Variants in CAMSAP1 observed in about 807,000 individuals in gnomAD.
CAMSAP1 encodes calmodulin regulated spectrin associated protein 1.
CAMSAP1 carries 58 observed loss-of-function variants against 143.5 expected under a neutral mutation model. That is an observed-to-expected ratio of 0.40 (90% CI 0.33 to 0.50). The LOEUF is 0.50. Ranked by LOEUF, CAMSAP1 falls within the 20% of genes least tolerant of loss-of-function variation. The pLI, the probability that CAMSAP1 is intolerant of heterozygous loss-of-function variation, is 0.45. For missense variants in CAMSAP1, 1,969 were observed against 2,115.7 expected (o/e 0.93, Z 1.36); for synonymous variants, 945 against 859.3 (o/e 1.10, Z -1.74).
At chr9:135,892,154 CAGGAAGCCT>C (rs375220144) in intron 1 of CAMSAP1, among the ~76,000 whole-genome samples, 2 of 152,118 alleles carry the variant, frequency 1.3e-5, no homozygotes, top group Admixed American at 6.6e-5. Context: ...TTTACAGGCT[CAGGAAGCCT>C]AGAAAACCCC....
At position 135,828,221 on chromosome 9, in the gene CAMSAP1, C is replaced by T. The variant is rs562838054; in HGVS notation, c.1046-637G>A. Among the ~76,000 whole-genome samples the T allele has an allele frequency of 9.8e-5, 15 of 152,380 alleles. No homozygotes were observed. In the South Asian group the frequency reaches 3.1e-3, roughly 32 times the overall value. On this transcript the variant is annotated intron_variant, in intron 7 of 16. Transcript: ENST00000389532. ...CCAAACAGTGACTCTGTATCTAAGG[C>T]TGCTTCCCAGAGAACTAACCTATGG...
Position 135,841,146 on chromosome 9 carries a change from G to T in CAMSAP1, c.1045+8991C>A, listed in dbSNP as rs555378010. ...CAGTAGTCTGAAGTCGACCTGGGGT[G>T]CTCGAGCTTGGTGGGAGGAGGGACG... On this transcript the variant is annotated intron_variant, in intron 7 of 16. Transcript: ENST00000389532. 3.3e-5 allele frequency among the ~76,000 whole-genome samples: 5 copies of T among 152,298 alleles called. No homozygotes were observed. The South Asian group carries it at 1.0e-3, about 32-fold the overall frequency.
At position 135,822,514 on chromosome 9, in the gene CAMSAP1, T is replaced by C. The variant is rs778219294; in HGVS notation, c.2147A>G (p.Tyr716Cys). Residue 716 changes from tyrosine to cysteine, a missense_variant, in exon 11 of 17, where the codon TAT becomes TGT. By Grantham distance (194) the Tyr-to-Cys change is radical. Transcript: ENST00000389532. The surrounding 1 kb of genome is among the most constrained non-coding windows in gnomAD (Gnocchi z 6.1). The part of the protein sequence containing the change: ...RADEDTEGRL[Y>C]VSCSKSPNSH... The stretch of plus-strand genomic sequence containing the variant: ...GTTGGGGCTTTTTGAACAACTAACA[T>C]ATAACCTTCCCTCGGTGTCTTCATC... 4 of 1,613,884 alleles carry C rather than the reference T, an allele frequency of 2.5e-6. No individual in the cohort carries two copies. Among genetic ancestry groups the C allele is most frequent in the East Asian group, 2.2e-5 (1 of 44,872 alleles).
intron 5 of CAMSAP1, among the ~76,000 whole-genome samples, chr9:135,861,879 T>A (rs1025113229): frequency 2.6e-5 from 4 of 152,154 alleles, no homozygotes; most frequent in African/African-American, 9.6e-5. Flanking sequence ...TGACAGTCAC[T>A]CTCTCTCTCT....
chr9:135,864,766 G>C (rs985521387), intron 4 of CAMSAP1, among the ~76,000 whole-genome samples: 7 of 152,178 alleles, frequency 4.6e-5, no homozygotes, highest in African/African-American at 1.7e-4. Flanking sequence ...ACCCTTGCCT[G>C]GGAATAAGGA....
At chr9:135,870,934 C>T (rs1837550952) in intron 3 of CAMSAP1, among the ~76,000 whole-genome samples, 1 of 152,180 alleles carries the variant, frequency 6.6e-6, no homozygotes, top group Non-Finnish European at 1.5e-5. Flanking sequence ...CATAATTAAT[C>T]TTTGAGAAAC....
At chr9:135,849,790 C>G (rs1213488065) in intron 7 of CAMSAP1, 1 of 172,888 alleles carries the variant, frequency 5.8e-6, no homozygotes, top group East Asian at 1.5e-4. Flanking sequence ...AGATATTCCT[C>G]TATATTATCT....
chr9:135,817,711 A>C (rs1250002186), intron 14 of CAMSAP1: 2 of 405,240 alleles, frequency 4.9e-6, no homozygotes, highest in Non-Finnish European at 9.1e-6. Flanking sequence ...CAACGGACTC[A>C]AAACGATGAA....
intron 3 of CAMSAP1, among the ~76,000 whole-genome samples, chr9:135,873,371 G>GA (rs907669290): frequency 6.6e-6 from 1 of 151,700 alleles, no homozygotes; most frequent in Non-Finnish European, 1.5e-5. Context: ...CCTTCAAAAT[G>GA]AAAAAAGACT....
intron 1 of CAMSAP1, among the ~76,000 whole-genome samples, chr9:135,900,900 G>C (rs1025428481): frequency 5.3e-5 from 8 of 151,784 alleles, no homozygotes; most frequent in Non-Finnish European, 1.2e-4. Flanking sequence ...GATTACAGGC[G>C]CATGCCACCA....
chr9:135,839,814 T>A (rs1836272126), intron 7 of CAMSAP1, among the ~76,000 whole-genome samples: 1 of 151,198 alleles, frequency 6.6e-6, no homozygotes, highest in East Asian at 2.0e-4. Flanking sequence ...ACCGAGCCCC[T>A]CTCTACAGCC....
At chr9:135,878,074 A>C (rs895352805) in intron 3 of CAMSAP1, among the ~76,000 whole-genome samples, 9 of 152,220 alleles carry the variant, frequency 5.9e-5, no homozygotes, top group African/African-American at 2.2e-4. Flanking sequence ...TCACCAGGGA[A>C]AGGTGGAGGA....
rs1835469237 is a variant in CAMSAP1, at chr9:135,821,708, G to A, written c.2953C>T (p.His985Tyr). The A allele has an allele frequency of 6.2e-7, 1 of 1,614,018 alleles. No individual in the cohort carries two copies. Among genetic ancestry groups the A allele is most frequent in the Non-Finnish European group, 8.5e-7 (1 of 1,179,890 alleles). Residue 985 changes from histidine (H) to tyrosine (Y), a missense_variant, in exon 11 of 17, where the codon CAT (histidine) becomes TAT (tyrosine). His to Tyr is a moderately conservative substitution (Grantham distance 83, BLOSUM62 2). Transcript: ENST00000389532. This position sits in a 1 kb window ranked among gnomAD's most constrained non-coding sequence, Gnocchi z 4.6. The stretch of plus-strand genomic sequence containing the variant: ...AGAGCCACAGGGTCTTTTGCTTTAT[G>A]TTGCTGAGCAAAGGCCAGGCTCTCT... ...DKESLAFAQQ[H>Y]KAKDPVALHE...
rs1348676065 is a variant in CAMSAP1, at chr9:135,907,078, G to T, written c.82C>A (p.Pro28Thr). The change falls in exon 1 of 17, where the codon CCC becomes ACC. Residue 28 changes from proline to threonine, a missense_variant. Physicochemically the swap from Pro to Thr is conservative, Grantham distance 38. Coordinates refer to ENST00000389532, the MANE Select transcript of CAMSAP1 (RefSeq NM_015447.4). ...APPDGAADLV[P>T]LDRYDAARAK... The stretch of plus-strand genomic sequence containing the variant: ...CGCGCCGCGTCGTAGCGGTCCAGGG[G>T]CACGAGGTCGGCGGCGCCGTCCGGC... 2 of 1,166,470 alleles carry T rather than the reference G, an allele frequency of 1.7e-6. No homozygotes were observed. The highest frequency in any genetic ancestry group is 2.1e-6 in the Non-Finnish European group (2 of 940,488). 72.3% of individuals were successfully genotyped at this position (1,166,470 alleles called of 1,614,324 possible).
chr9:135,867,450 G>A (rs769804877), intron 3 of CAMSAP1, among the ~76,000 whole-genome samples: 3 of 150,232 alleles, frequency 2.0e-5, no homozygotes, highest in Non-Finnish European at 4.4e-5. Context: ...CCGCACGCCA[G>A]CCTAGGCAAC....
rs535260997 is a variant in CAMSAP1, at chr9:135,810,980, G to C, written c.*329C>G. On this transcript the variant is annotated 3_prime_UTR_variant, in exon 17 of 17. Coordinates refer to ENST00000389532, the MANE Select transcript of CAMSAP1 (RefSeq NM_015447.4). ...TGCTGAAGGAGAACTTCAAGTAAGG[G>C]AGCTCCGTGGCCCGGGACCTGGCTG... The C allele has an allele frequency of 1.1e-5, 4 of 356,894 alleles. No homozygotes were observed. In the South Asian group the frequency reaches 1.4e-4, roughly 12 times the overall value. The allele number at this position is 356,894 out of a possible 1,614,324, so 22.1% of individuals were successfully genotyped here. A position where few individuals can be genotyped will look rare whatever the true frequency, so the allele number is the denominator to read the frequency against.
At position 135,821,259 on chromosome 9, in the gene CAMSAP1, T is replaced by TCTCAAC; in HGVS notation, c.3401_3402insGTTGAG (p.Leu1133_Arg1134dup). ...GAGGGTGGCTGCTGGCAGGGAAGGG[T>TCTCAAC]CTCAAGTGCGGGAGCGTCTCTACAC... On this transcript the variant is annotated inframe_insertion, in exon 11 of 17. Transcript: ENST00000389532. This position sits in a 1 kb window ranked among gnomAD's most constrained non-coding sequence, Gnocchi z 4.6. 6.2e-7 allele frequency: 1 copy of TCTCAAC among 1,608,620 alleles called. No homozygotes were observed. Among genetic ancestry groups the TCTCAAC allele is most frequent in the South Asian group, 1.1e-5 (1 of 91,058 alleles).
At chr9:135,893,420 AAAG>A (rs756079387) in intron 1 of CAMSAP1, among the ~76,000 whole-genome samples, 3 of 152,012 alleles carry the variant, frequency 2.0e-5, no homozygotes, top group Non-Finnish European at 4.4e-5. Flanking sequence ...AGAGGAAAAG[AAAG>A]AAGAAAAGGA....
chr9:135,813,192 G>A (rs557604025), intron 16 of CAMSAP1, among the ~76,000 whole-genome samples: 3 of 152,274 alleles, frequency 2.0e-5, no homozygotes, highest in Non-Finnish European at 4.4e-5. Context: ...CCTCGACCTC[G>A]AAAGGCTAAG....
Sources: gnomAD v4.1 joint callset for allele counts (sites outside exome capture counted in the v4.1 genomes callset) on GRCh38, gnomAD v4.1.1 for gene constraint, Gnocchi (gnomAD v3.1) non-coding constraint, MANE v1.5 for transcripts, NCBI Gene and HGNC (gene_info 2026-07-23, HGNC 2026-07-21) for gene names.